ITGA8: variants seen among roughly 807,000 people sequenced by gnomAD.
The protein encoded by ITGA8 is integrin alpha-8.
ITGA8 carries 91 observed loss-of-function variants against 142.3 expected under a neutral mutation model. That is an observed-to-expected ratio of 0.64 (90% confidence interval 0.54 to 0.76). The LOEUF (loss-of-function observed/expected upper bound fraction) is 0.76, where lower values mean the gene tolerates loss of function less well. ITGA8 is among the 30% of genes least tolerant of loss of function. ITGA8 has a pLI of 0.00. For synonymous variants in ITGA8, 505 were observed against 485.2 expected (o/e 1.04, Z -0.54); for missense variants, 1,406 against 1,327.7 (o/e 1.06, Z -0.92).
intron 19 of ITGA8, among the ~76,000 whole-genome samples, chr10:15,604,902 C>G (rs1401318273): frequency 6.6e-6 from 1 of 152,070 alleles, no homozygotes; most frequent in Non-Finnish European, 1.5e-5. Context: ...TGGTAGAGGA[C>G]TTCAAGGTAT....
intron 2 of ITGA8, among the ~76,000 whole-genome samples, chr10:15,707,572 C>T (rs1276023036): frequency 1.3e-5 from 2 of 152,072 alleles, no homozygotes; most frequent in Non-Finnish European, 2.9e-5. Context: ...CCTTTAATCC[C>T]AGCACATTGG....
At chr10:15,592,131 T>C (rs1169382523) in intron 22 of ITGA8, 94 bp downstream of exon 22, 1 of 814,760 alleles carries the variant, frequency 1.2e-6, no homozygotes, top group Non-Finnish European at 1.9e-6. Context: ...CAGGTGAGCT[T>C]TTAAGGCCAA....
intron 25 of ITGA8, among the ~76,000 whole-genome samples, chr10:15,561,710 C>T (rs547233628): frequency 6.6e-6 from 1 of 152,138 alleles, no homozygotes; most frequent in Non-Finnish European, 1.5e-5. Context: ...AATAATCCTC[C>T]TTTCTCTGGA....
At chr10:15,673,630 A>T (rs2131688999) in intron 6 of ITGA8, among the ~76,000 whole-genome samples, 1 of 152,378 alleles carries the variant, frequency 6.6e-6, no homozygotes, top group East Asian at 1.9e-4. Context: ...TATCTGATTA[A>T]TAGATGATAA....
At chr10:15,662,718 A>C (rs1412630748) in intron 8 of ITGA8, among the ~76,000 whole-genome samples, 1 of 152,188 alleles carries the variant, frequency 6.6e-6, no homozygotes, top group Non-Finnish European at 1.5e-5. Context: ...TAGCATCCTG[A>C]CTAGTGAGAA....
intron 2 of ITGA8, among the ~76,000 whole-genome samples, chr10:15,713,769 GGT>G (rs1835402824): frequency 6.6e-6 from 1 of 152,056 alleles, no homozygotes; most frequent in East Asian, 1.9e-4. Flanking sequence ...AAAGGCTTCC[GGT>G]CTCCCGCAAT....
chr10:15,597,785 C>A (rs776576705), intron 20 of ITGA8, among the ~76,000 whole-genome samples: 1 of 152,176 alleles, frequency 6.6e-6, no homozygotes, highest in Non-Finnish European at 1.5e-5. Context: ...ATCATGCAAT[C>A]GACTTTCTTC....
intron 11 of ITGA8, among the ~76,000 whole-genome samples, chr10:15,651,975 C>T (rs1035498159): frequency 2.6e-5 from 4 of 151,970 alleles, no homozygotes; most frequent in East Asian, 1.9e-4. Flanking sequence ...TCTTTATGAA[C>T]GGCATTAGTA....
At chr10:15,622,168 A>T (rs1190555580) in intron 13 of ITGA8, among the ~76,000 whole-genome samples, 2 of 151,946 alleles carry the variant, frequency 1.3e-5, no homozygotes, top group Non-Finnish European at 2.9e-5. Flanking sequence ...AACAAAACAA[A>T]ACAAAACAAA....
chr10:15,681,696 C>T (rs568682679), intron 4 of ITGA8, among the ~76,000 whole-genome samples: 37 of 152,216 alleles, frequency 2.4e-4, no homozygotes, highest in African/African-American at 8.7e-4. Flanking sequence ...GAAGAATAAC[C>T]TACATTATCA....
At chr10:15,575,646 G>A (rs1233741990) in intron 23 of ITGA8, 52 bp from the exon 24 acceptor site, 1 of 1,376,154 alleles carries the variant, frequency 7.3e-7, no homozygotes, top group Non-Finnish European at 1.0e-6. Context: ...GGTAAAGAAT[G>A]TTTTACTAGT....
intron 2 of ITGA8, among the ~76,000 whole-genome samples, chr10:15,703,378 CT>C (rs1314198390): frequency 6.6e-6 from 1 of 152,180 alleles, no homozygotes; most frequent in Non-Finnish European, 1.5e-5. Context: ...ATATGAATGG[CT>C]TTTCCACATC....
At chr10:15,684,865 A>G (rs752920035) in intron 3 of ITGA8, among the ~76,000 whole-genome samples, 1 of 152,226 alleles carries the variant, frequency 6.6e-6, no homozygotes, top group African/African-American at 2.4e-5. Context: ...TGCTTTTAAA[A>G]GATGACTTTC....
chr10:15,539,436 A>G (rs1188918955), intron 27 of ITGA8, among the ~76,000 whole-genome samples: 1 of 152,036 alleles, frequency 6.6e-6, no homozygotes, highest in African/African-American at 2.4e-5. Context: ...GCCTTGCACT[A>G]CTCAGACATT....
chr10:15,558,115 G>C lies in ITGA8; in HGVS notation c.2725C>G (p.His909Asp), dbSNP rs762120352. The change falls in exon 26 of 30, where the codon CAT becomes GAT. Residue 909 changes from histidine to aspartate, a missense_variant. Physicochemically the swap from His to Asp is moderately conservative, Grantham distance 81 (BLOSUM62 -1). Coordinates refer to ENST00000378076, the MANE Select transcript of ITGA8 (RefSeq NM_003638.3). ...IPHLVRKRDV[H>D]VVEFHRQSPA... ...CTCTGTCTGTGGAATTCGACCACAT[G>C]TACATCCCTCTTCCTGACAAGATGA... 49 of 1,614,056 alleles carry C rather than the reference G, an allele frequency of 3.0e-5. 1 individual carries two copies. The highest frequency in any genetic ancestry group is 2.4e-4 in the South Asian group (22 of 91,090).
chr10:15,719,005 G>A, intron 1 of ITGA8, 106 bp from the exon 2 acceptor site: 1 of 1,508,386 alleles, frequency 6.6e-7, no homozygotes, highest in Non-Finnish European at 9.0e-7. Context: ...AGGCGTGGAG[G>A]GCATGAACGT....
At chr10:15,519,211 T>TA in intron 29 of ITGA8, 79 bp downstream of exon 29, 1 of 1,538,584 alleles carries the variant, frequency 6.5e-7, no homozygotes, top group Admixed American at 2.0e-5. Flanking sequence ...AATTGTCTTT[T>TA]AAAATCCCTA....
At chr10:15,685,258 T>C (rs537245292) in intron 3 of ITGA8, among the ~76,000 whole-genome samples, 141 of 152,328 alleles carry the variant, frequency 9.3e-4, no homozygotes, top group African/African-American at 2.4e-3. Context: ...GAAAGGAGAG[T>C]TATCCAAATT....
chr10:15,552,143 C>CTTT (rs57515081), intron 26 of ITGA8, among the ~76,000 whole-genome samples: 44 of 146,970 alleles, frequency 3.0e-4, no homozygotes, highest in Middle Eastern at 3.6e-3. Context: ...ATTTTTCTTT[C>CTTT]TTTTTTTTTT....
Sources: allele counts gnomAD v4.1 joint callset (sites outside exome capture counted in the v4.1 genomes callset), GRCh38; gene constraint gnomAD v4.1.1; transcripts MANE v1.5; gene names NCBI Gene and HGNC (gene_info 2026-07-23, HGNC 2026-07-21).